The following KCNJ6 variants were observed in gnomAD, a reference collection of about 807,000 sequenced individuals.
KCNJ6 encodes potassium inwardly rectifying channel subfamily J member 6, also known as G protein-activated inward rectifier potassium channel 2.
KCNJ6 carries 9 observed loss-of-function variants against 34.2 expected under a neutral mutation model. The ratio of observed to expected loss-of-function variants is 0.26; its 90% CI spans 0.16 to 0.46. The LOEUF (loss-of-function observed/expected upper bound fraction) is 0.46, where lower values mean the gene tolerates loss of function less well. KCNJ6 is among the 20% of genes least tolerant of loss of function. The pLI is 1.00. For synonymous variants in KCNJ6, 196 were observed against 207.1 expected (o/e 0.95, Z 0.46); for missense variants, 236 against 531.3 (o/e 0.44, Z 5.46).
intron 2 of KCNJ6, among the ~76,000 whole-genome samples, chr21:37,753,295 G>A (rs563195072): frequency 1.3e-5 from 2 of 152,262 alleles, no homozygotes; most frequent in African/African-American, 4.8e-5. Flanking sequence ...CCTGACTTGG[G>A]GGCCAGCTGT....
chr21:37,761,951 G>T (rs528910377), intron 2 of KCNJ6, among the ~76,000 whole-genome samples: 249 of 152,282 alleles, frequency 1.6e-3, no homozygotes, highest in Non-Finnish European at 2.1e-3. Context: ...CAGGGAGGAG[G>T]GTGGTGAGGA....
At chr21:37,692,096 G>A (rs1054692808) in intron 3 of KCNJ6, among the ~76,000 whole-genome samples, 2 of 152,140 alleles carry the variant, frequency 1.3e-5, no homozygotes, top group Non-Finnish European at 2.9e-5. Flanking sequence ...CTTAATGCAT[G>A]CGGGGCTTAA....
At chr21:37,909,625 C>T (rs1568893016) in intron 1 of KCNJ6, among the ~76,000 whole-genome samples, 1 of 152,216 alleles carries the variant, frequency 6.6e-6, no homozygotes, top group East Asian at 1.9e-4. Flanking sequence ...CTGACTCGGC[C>T]TCCTAAAGTG....
intron 3 of KCNJ6, among the ~76,000 whole-genome samples, chr21:37,656,567 C>T (rs11910222): frequency 0.15 from 23,440 of 152,204 alleles, 2,889 homozygotes; most frequent in African/African-American, 0.34. Flanking sequence ...CTCCCAGCCT[C>T]CCCATGGCTC....
chr21:37,868,114 T>C (rs1183170544), intron 1 of KCNJ6, among the ~76,000 whole-genome samples: 2 of 152,196 alleles, frequency 1.3e-5, no homozygotes, highest in African/African-American at 4.8e-5. Flanking sequence ...ATCCTATGTA[T>C]CTGGCCATGT....
intron 3 of KCNJ6, among the ~76,000 whole-genome samples, chr21:37,704,653 A>AGTC (rs2054709554): frequency 3.4e-5 from 4 of 117,780 alleles, no homozygotes; most frequent in South Asian, 2.8e-4. Flanking sequence ...CCTCAGTATG[A>AGTC]GTCGTCGTCA....
chr21:37,754,371 AG>A (rs767131101), intron 2 of KCNJ6, among the ~76,000 whole-genome samples: 3 of 152,216 alleles, frequency 2.0e-5, no homozygotes, highest in Admixed American at 6.5e-5. Flanking sequence ...GGCTTTTATC[AG>A]GGTTTTTCTA....
chr21:37,649,971 G>A (rs930117028), intron 3 of KCNJ6, among the ~76,000 whole-genome samples: 2 of 149,820 alleles, frequency 1.3e-5, no homozygotes, highest in African/African-American at 5.0e-5. Context: ...CACCATGTTA[G>A]CCAGGATGGT....
At chr21:37,811,996 A>C (rs2055325109) in intron 2 of KCNJ6, among the ~76,000 whole-genome samples, 1 of 152,250 alleles carries the variant, frequency 6.6e-6, no homozygotes, top group African/African-American at 2.4e-5. Context: ...ATTAAATGGC[A>C]GAAATATTTA....
In KCNJ6 at chr21:37,614,388, C is replaced by CTG. The variant is rs796232263; in HGVS notation, c.*10769_*10770dup. On this transcript the variant is annotated 3_prime_UTR_variant, in exon 4 of 4. Coordinates refer to ENST00000609713, the MANE Select transcript of KCNJ6 (RefSeq NM_002240.5). ...TGTGTGTGTGTGTGTGTGTGTATAT[C>CTG]TGTGTGTGCGTATGCATGTGTCTGT... The CTG allele has an allele frequency of 0.3, 41,478 of 136,484 alleles. 6,015 individuals are homozygous for CTG. The highest frequency in any genetic ancestry group is 0.37 in the South Asian group (1,597 of 4,264). 8.5% of individuals were successfully genotyped at this position (136,484 alleles called of 1,614,324 possible). A position where few individuals can be genotyped will look rare whatever the true frequency, so the allele number is the denominator to read the frequency against.
intron 2 of KCNJ6, among the ~76,000 whole-genome samples, chr21:37,807,572 C>A (rs1181011637): frequency 6.6e-6 from 1 of 152,180 alleles, no homozygotes; most frequent in African/African-American, 2.4e-5. Flanking sequence ...TGTTTAGACA[C>A]ACAAATACCA....
intron 3 of KCNJ6, among the ~76,000 whole-genome samples, chr21:37,627,554 G>A (rs2054316736): frequency 6.6e-6 from 1 of 152,198 alleles, no homozygotes; most frequent in African/African-American, 2.4e-5. Context: ...GGAAGTACAT[G>A]TTTATGGTAA....
chr21:37,745,857 C>G (rs2054965230), intron 2 of KCNJ6, among the ~76,000 whole-genome samples: 1 of 152,204 alleles, frequency 6.6e-6, no homozygotes, highest in Non-Finnish European at 1.5e-5. Context: ...GGAGGCAATT[C>G]CAGGATCACG....
intron 2 of KCNJ6, among the ~76,000 whole-genome samples, chr21:37,827,405 G>A (rs951731998): frequency 2.6e-5 from 4 of 152,106 alleles, no homozygotes; most frequent in African/African-American, 9.7e-5. Flanking sequence ...CAGAATAAAC[G>A]TACTGCAGGT....
At chr21:37,894,918 A>G (rs1273999069) in intron 1 of KCNJ6, among the ~76,000 whole-genome samples, 3 of 152,054 alleles carry the variant, frequency 2.0e-5, no homozygotes, top group Admixed American at 6.5e-5. Context: ...TTTTAAAATT[A>G]TGTTCACAGT....
chr21:37,849,061 A>C (rs1260708209), intron 1 of KCNJ6, among the ~76,000 whole-genome samples: 2 of 152,232 alleles, frequency 1.3e-5, no homozygotes, highest in Non-Finnish European at 2.9e-5. Flanking sequence ...AATTTTCTTT[A>C]AAGAAAATAC....
intron 1 of KCNJ6, among the ~76,000 whole-genome samples, chr21:37,897,374 A>G (rs1601521985): frequency 6.6e-6 from 1 of 152,214 alleles, no homozygotes; most frequent in South Asian, 2.1e-4. Flanking sequence ...CCATCCAGGT[A>G]CAGCAATGGC....
chr21:37,898,854 G>A (rs1377297731), intron 1 of KCNJ6, among the ~76,000 whole-genome samples: 1 of 152,140 alleles, frequency 6.6e-6, no homozygotes, highest in Non-Finnish European at 1.5e-5. Context: ...GGCATAGCCA[G>A]GGAAAAACAT....
chr21:37,850,561 C>A (rs1324198104), intron 1 of KCNJ6, among the ~76,000 whole-genome samples: 2 of 152,162 alleles, frequency 1.3e-5, no homozygotes, highest in East Asian at 1.9e-4. Context: ...CCATCCCCAC[C>A]CCCTCCTCCT....
Sources: allele counts gnomAD v4.1 joint callset (sites outside exome capture counted in the v4.1 genomes callset), GRCh38; gene constraint gnomAD v4.1.1; transcripts MANE v1.5; gene names NCBI Gene and HGNC (gene_info 2026-07-23, HGNC 2026-07-21).